The following ETHE1 variants were observed in gnomAD, a reference collection of about 807,000 sequenced individuals.
ETHE1 encodes persulfide dioxygenase ETHE1, mitochondrial.
ETHE1 carries 16 observed loss-of-function variants against 25.7 expected under a neutral mutation model. That is an observed-to-expected ratio of 0.62 (90% confidence interval 0.42 to 0.95). ETHE1 has a LOEUF of 0.95. Ranked by LOEUF, ETHE1 falls within the 40% of genes least tolerant of loss-of-function variation. The probability of loss-of-function intolerance (pLI) is 0.00; values close to 1 mark genes in which losing one functional copy is unlikely to be tolerated. For synonymous variants in ETHE1, 139 were observed against 135.9 expected, an observed-to-expected ratio of 1.02 and a Z score of -0.16; for missense variants, 300 against 333.6, an observed-to-expected ratio of 0.90 and a Z score of 0.79.
At chr19:43,511,243 T>C (rs1487632235) in intron 4 of ETHE1, among the ~76,000 whole-genome samples, 194 bp downstream of exon 4, 3 of 152,142 alleles carry the variant, frequency 2.0e-5, no homozygotes, top group South Asian at 2.1e-4. Context: ...CATGGAAAAA[T>C]TGTCTTCCAC....
chr19:43,522,336 G>C (rs1423474518), intron 3 of ETHE1, among the ~76,000 whole-genome samples: 1 of 152,014 alleles, frequency 6.6e-6, no homozygotes, highest in Admixed American at 6.6e-5. Flanking sequence ...GCGGTAGGAG[G>C]ATCACTTGAG....
chr19:43,511,300 AG>A, intron 4 of ETHE1, 136 bp downstream of exon 4: 2 of 1,351,104 alleles, frequency 1.5e-6, no homozygotes, highest in South Asian at 2.5e-5. Context: ...CTGTTCTAGC[AG>A]GTAAACTCCT....
chr19:43,510,819 G>A (rs762067979), intron 4 of ETHE1, among the ~76,000 whole-genome samples: 9 of 151,972 alleles, frequency 5.9e-5, no homozygotes, highest in Admixed American at 1.3e-4. Flanking sequence ...GTACCGGTCC[G>A]TGGTCTGTTA....
chr19:43,520,204 C>A (rs940633157), intron 3 of ETHE1, among the ~76,000 whole-genome samples: 1 of 151,680 alleles, frequency 6.6e-6, no homozygotes, highest in East Asian at 1.9e-4. Context: ...TTTTAAAAAT[C>A]AATTAGCTGG....
chr19:43,511,808 C>T (rs900787421), intron 3 of ETHE1, among the ~76,000 whole-genome samples: 2 of 152,118 alleles, frequency 1.3e-5, no homozygotes, highest in African/African-American at 4.8e-5. Context: ...TAATATCTGA[C>T]CTCTGGTTAG....
intron 4 of ETHE1, among the ~76,000 whole-genome samples, chr19:43,510,709 A>G (rs1187821175): frequency 6.6e-6 from 1 of 151,500 alleles, no homozygotes; most frequent in Admixed American, 6.6e-5. Context: ...GCTGGGCTCA[A>G]ATAGGTAACT....
chr19:43,509,505 A>C (rs1276756536), intron 4 of ETHE1, among the ~76,000 whole-genome samples: 1 of 134,144 alleles, frequency 7.5e-6, no homozygotes, highest in Non-Finnish European at 1.6e-5. Context: ...TCAAGAAAAA[A>C]AAAAAAAAGG....
chr19:43,520,293 C>A (rs1386604043), intron 3 of ETHE1, among the ~76,000 whole-genome samples: 1 of 152,056 alleles, frequency 6.6e-6, no homozygotes, highest in East Asian at 1.9e-4. Flanking sequence ...ACCCAGGAGG[C>A]AGAGGTTGCA....
Position 43,511,551 on chromosome 19 carries a change from C to T in ETHE1, c.391G>A (p.Ala131Thr), listed in dbSNP as rs1017886002. The stretch of plus-strand genomic sequence containing the variant: ...CAGCCTGGGGTGTGGCCAGGGCTGG[C>T]CCTGGTCTCCAACGCCTGGCAGGGG... The part of the protein sequence containing the change: ...RFGRFALETR[A>T]SPGHTPGCVT... The change falls in exon 4 of 7, where the codon GCC (alanine) becomes ACC (threonine). Residue 131 changes from alanine (A) to threonine (T), a missense_variant. Transcript: ENST00000292147. 7 of 1,613,638 alleles carry T rather than the reference C, an allele frequency of 4.3e-6. No individual in the cohort carries two copies. In the Admixed American group the frequency reaches 1.0e-4, roughly 23 times the overall value.
At chr19:43,526,776 C>G in intron 1 of ETHE1, 117 bp from the exon 2 acceptor site, 1 of 1,554,928 alleles carries the variant, frequency 6.4e-7, no homozygotes, top group Non-Finnish European at 8.7e-7. Flanking sequence ...CCCCAGCCCA[C>G]TCTTTCCCCG....
intron 3 of ETHE1, among the ~76,000 whole-genome samples, chr19:43,518,121 A>G (rs1972060325): frequency 6.6e-6 from 1 of 151,482 alleles, no homozygotes; most frequent in Admixed American, 6.6e-5. Flanking sequence ...AAGAAAACAA[A>G]ACAAAAAGAA....
intron 1 of ETHE1, 82 bp downstream of exon 1, chr19:43,527,015 C>A (rs527449742): frequency 1.9e-6 from 3 of 1,538,524 alleles, no homozygotes; most frequent in Non-Finnish European, 2.6e-6. Context: ...CCCCGGATCT[C>A]TCCCTATTAA....
chr19:43,509,106 C>A (rs1221740204), intron 4 of ETHE1, among the ~76,000 whole-genome samples: 1 of 152,156 alleles, frequency 6.6e-6, no homozygotes, highest in Non-Finnish European at 1.5e-5. Flanking sequence ...TGGAATGACA[C>A]CGTGAAGCAC....
intron 3 of ETHE1, among the ~76,000 whole-genome samples, chr19:43,522,333 G>A (rs1362140569): frequency 1.3e-5 from 2 of 152,120 alleles, no homozygotes; most frequent in African/African-American, 4.8e-5. Flanking sequence ...GCTGCGGTAG[G>A]AGGATCACTT....
intron 3 of ETHE1, among the ~76,000 whole-genome samples, chr19:43,523,913 G>A (rs964525806): frequency 2.6e-5 from 4 of 151,982 alleles, no homozygotes; most frequent in Admixed American, 2.0e-4. Flanking sequence ...TCCAGCCTGG[G>A]TGACAGAGCA....
intron 3 of ETHE1, among the ~76,000 whole-genome samples, chr19:43,518,999 G>GTGTATTTTTTTTTTTTT (rs1568497899): frequency 1.1e-5 from 1 of 91,012 alleles, no homozygotes; most frequent in African/African-American, 4.2e-5. Flanking sequence ...ATTTGTGCTT[G>GTGTATTTTTTTTTTTTT]TTTTTTTTTT....
chr19:43,508,052 C>A lies in ETHE1; in HGVS notation c.604G>T (p.Val202Leu). 1 of 1,613,892 alleles carries A rather than the reference C, an allele frequency of 6.2e-7. No homozygotes were observed. Among genetic ancestry groups the A allele is most frequent in the Non-Finnish European group, 8.5e-7 (1 of 1,179,974 alleles). The change falls in exon 6 of 7, where the codon GTG becomes TTG. Residue 202 changes from valine (V) to leucine (L), a missense_variant. By Grantham distance (32) the Val-to-Leu change is conservative (BLOSUM62 1). Transcript: ENST00000292147. ...YPAHDYHGFTVSTVEEERTLN... is the reference protein window; with the variant it reads ...YPAHDYHGFTLSTVEEERTLN... The stretch of plus-strand genomic sequence containing the variant: ...GTCCTCTCCTCCTCCACGGTGGACA[C>A]TGTGAACCCTAGGGGCCAAGGGAGG...
chr19:43,517,869 G>A lies in ETHE1; in HGVS notation c.376-6303C>T, dbSNP rs187759042. ...GGAGGCTGAGGCAGTAGAATTGCTT[G>A]AACTTGGGAGGCAGAGGTTACAGTG... On this transcript the variant is annotated intron_variant, in intron 3 of 6. Transcript: ENST00000292147. Among the ~76,000 whole-genome samples, 191 of 151,492 alleles carry A rather than the reference G, an allele frequency of 1.3e-3. 1 individual carries two copies. The highest frequency in any genetic ancestry group is 0.011 in the Admixed American group (163 of 15,196).
At chr19:43,512,274 C>T (rs1971933168) in intron 3 of ETHE1, among the ~76,000 whole-genome samples, 1 of 152,122 alleles carries the variant, frequency 6.6e-6, no homozygotes, top group African/African-American at 2.4e-5. Flanking sequence ...GAGGTTTGAA[C>T]AGTTTGGAAG....
Sources: allele counts gnomAD v4.1 joint callset (sites outside exome capture counted in the v4.1 genomes callset), GRCh38; gene constraint gnomAD v4.1.1; transcripts MANE v1.5; gene names NCBI Gene and HGNC (gene_info 2026-07-23, HGNC 2026-07-21).